Variants in ZNF225 observed in about 807,000 individuals in gnomAD.
The protein encoded by ZNF225 is zinc finger protein 225.
Under a neutral mutation model 12.0 loss-of-function variants are expected in ZNF225, and 6 were observed. The observed-to-expected ratio is 0.50, with a 90% CI of 0.27 to 0.98. The LOEUF is 0.98. Among genes scored for constraint, ZNF225 ranks in the 50% least tolerant of loss-of-function variants. The pLI is 0.11. For synonymous variants in ZNF225, 271 were observed against 283.2 expected (o/e 0.96, Z 0.43); for missense variants, 763 against 848.2 (o/e 0.90, Z 1.25).
intron 4 of ZNF225, chr19:44,129,434 T>C (rs1445811332): frequency 5.7e-6 from 1 of 174,334 alleles, no homozygotes; most frequent in Non-Finnish European, 1.2e-5. Context: ...ATGAGAACTT[T>C]TTATTGTACT....
In ZNF225 at chr19:44,132,700, G is replaced by C; in HGVS notation, c.2086G>C (p.Asp696His). 1 of 1,607,424 alleles carries C rather than the reference G, an allele frequency of 6.2e-7. No individual in the cohort carries two copies. Among genetic ancestry groups the C allele is most frequent in the Non-Finnish European group, 8.5e-7 (1 of 1,177,854 alleles). ...GCGCTACAAGAGGCGCTTGAATCTT[G>C]ATACGCTTTTGTCATTATTTTTAAA... ...GKRYKRRLNL[D>H]TLLSLFLNDT Residue 696 changes from aspartate (D) to histidine (H), a missense_variant, in exon 5 of 5, where the codon GAT (aspartate) becomes CAT (histidine). Transcript: ENST00000262894.
chr19:44,116,174 A>G (rs1306461545), intron 2 of ZNF225, among the ~76,000 whole-genome samples: 1 of 152,148 alleles, frequency 6.6e-6, no homozygotes, highest in Non-Finnish European at 1.5e-5. Flanking sequence ...ATTTCTTCTC[A>G]CTACTCATAT....
At position 44,132,313 on chromosome 19, in the gene ZNF225, C is replaced by T; in HGVS notation, c.1699C>T (p.Pro567Ser). 1 of 1,613,916 alleles carries T rather than the reference C, an allele frequency of 6.2e-7. No individual in the cohort carries two copies. Among genetic ancestry groups the T allele is most frequent in the Non-Finnish European group, 8.5e-7 (1 of 1,179,970 alleles). The change falls in exon 5 of 5, where the codon CCT (proline) becomes TCT (serine). Residue 567 changes from proline to serine, a missense_variant. Transcript: ENST00000262894. ...MHQRVHTGER[P>S]YNCKECGKSF... ...CCAGAGGGTCCACACCGGAGAGAGACCTTATAATTGTAAAGAATGTGGGAA... is the reference window on the plus strand; with the variant it reads ...CCAGAGGGTCCACACCGGAGAGAGATCTTATAATTGTAAAGAATGTGGGAA...
rs535157101 is a variant in ZNF225, at chr19:44,127,798, C to T, written c.236-3052C>T. On this transcript the variant is annotated intron_variant, in intron 4 of 4. Transcript: ENST00000262894. ...AAGTAGCTGGTATATGCCACCATGC[C>T]CAGCTAATTTTTTTGTATTTTTTAG... Among the ~76,000 whole-genome samples the T allele has an allele frequency of 6.6e-5, 10 of 152,068 alleles. No individual in the cohort carries two copies. The South Asian group carries it at 2.1e-3, about 32-fold the overall frequency.
At chr19:44,130,700 C>CA (rs775988972) in intron 4 of ZNF225, 150 bp from the exon 5 acceptor site, 14,118 of 163,266 alleles carry the variant, frequency 0.086, 255 homozygotes, top group Middle Eastern at 0.11. Flanking sequence ...GACTCCATCT[C>CA]AAAAAAAAAA....
chr19:44,125,252 G>A (rs1968125832), intron 4 of ZNF225, among the ~76,000 whole-genome samples: 1 of 152,126 alleles, frequency 6.6e-6, no homozygotes, highest in Non-Finnish European at 1.5e-5. Flanking sequence ...AATTCTGTCA[G>A]CGTTTGTCTG....
intron 2 of ZNF225, 60 bp from the exon 3 acceptor site, chr19:44,118,128 C>T: frequency 1.3e-6 from 2 of 1,568,154 alleles, no homozygotes; most frequent in Non-Finnish European, 1.7e-6. Flanking sequence ...TGCTCAGTGC[C>T]ACCCCTCTCT....
At chr19:44,126,465 G>C (rs114673265) in intron 4 of ZNF225, among the ~76,000 whole-genome samples, 6,738 of 152,172 alleles carry the variant, frequency 0.044, 181 homozygotes, top group South Asian at 0.071. Context: ...AATGGACTCC[G>C]TGAGGTTTCT....
chr19:44,122,992 T>C (rs1471866490), intron 4 of ZNF225, among the ~76,000 whole-genome samples: 1 of 152,200 alleles, frequency 6.6e-6, no homozygotes, highest in Non-Finnish European at 1.5e-5. Flanking sequence ...CCCTTATTTC[T>C]TTCTCTTGTC....
intron 2 of ZNF225, among the ~76,000 whole-genome samples, chr19:44,116,151 C>T (rs1004769648): frequency 2.6e-5 from 4 of 152,178 alleles, no homozygotes; most frequent in African/African-American, 7.2e-5. Context: ...TGTGAGCCAC[C>T]GTGCCCGGCC....
At chr19:44,115,713 G>C in intron 1 of ZNF225, 47 bp from the exon 2 acceptor site, 1 of 991,960 alleles carries the variant, frequency 1.0e-6, no homozygotes, top group Non-Finnish European at 1.5e-6. Context: ...TGGCATCCCT[G>C]GCCACACTTT....
At chr19:44,126,702 G>A (rs1286092570) in intron 4 of ZNF225, among the ~76,000 whole-genome samples, 1 of 152,094 alleles carries the variant, frequency 6.6e-6, no homozygotes, top group Non-Finnish European at 1.5e-5. Flanking sequence ...CTCTCCTTGG[G>A]TGGGTCTTGC....
intron 2 of ZNF225, 84 bp downstream of exon 2, chr19:44,115,926 A>C: frequency 7.0e-7 from 1 of 1,433,520 alleles, no homozygotes. Context: ...CAGTGGCCTG[A>C]TTTTGGCTCA....
chr19:44,124,204 G>A (rs7251868), intron 4 of ZNF225, among the ~76,000 whole-genome samples: 121,420 of 151,958 alleles, frequency 0.8, 49,269 homozygotes, highest in Non-Finnish European at 0.88. Flanking sequence ...AGGTTTTCAT[G>A]GGTTGTGTCA....
At chr19:44,113,224 C>G (rs1223592789), upstream of ZNF225, 2 of 152,408 alleles carry the variant, frequency 1.3e-5, no homozygotes, top group Non-Finnish European at 2.9e-5. Context: ...CAGCTTGGCT[C>G]CGGCAGGCGA....
At chr19:44,130,710 A>AAAG (rs1968229455) in intron 4 of ZNF225, 140 bp from the exon 5 acceptor site, 1 of 406,480 alleles carries the variant, frequency 2.5e-6, no homozygotes, top group African/African-American at 2.1e-5. Context: ...CAAAAAAAAA[A>AAAG]AAAAAAAAAA....
At chr19:44,116,602 T>C (rs1258447655) in intron 2 of ZNF225, among the ~76,000 whole-genome samples, 1 of 152,052 alleles carries the variant, frequency 6.6e-6, no homozygotes, top group African/African-American at 2.4e-5. Flanking sequence ...AAAATAAGAA[T>C]CTTATGTACA....
At chr19:44,120,360 G>T (rs10409400) in intron 4 of ZNF225, among the ~76,000 whole-genome samples, 8,411 of 152,258 alleles carry the variant, frequency 0.055, 805 homozygotes, top group African/African-American at 0.19. Context: ...GCTCATGGCT[G>T]TCTATTCACA....
rs750149204 is a variant in ZNF225 at position 44,130,836 on chromosome 19, C to A, written c.236-14C>A. ...CTTTACTTGCCCACATCTCTTAATT[C>A]TGTGTCATTATAGGAGGCAAGATCC... On this transcript the variant is annotated splice_polypyrimidine_tract_variant and intron_variant, in intron 4 of 4. Coordinates refer to ENST00000262894, the MANE Select transcript of ZNF225 (RefSeq NM_013362.4). The A allele has an allele frequency of 1.3e-6, 2 of 1,585,388 alleles. No individual in the cohort carries two copies. Among genetic ancestry groups the A allele is most frequent in the Non-Finnish European group, 1.7e-6 (2 of 1,165,562 alleles).
Sources: allele counts gnomAD v4.1 joint callset (sites outside exome capture counted in the v4.1 genomes callset), GRCh38; gene constraint gnomAD v4.1.1; transcripts MANE v1.5; gene names NCBI Gene and HGNC (gene_info 2026-07-23, HGNC 2026-07-21).